Variants in MCM6 observed in about 807,000 individuals in gnomAD.
MCM6 encodes DNA replication licensing factor MCM6.
A neutral mutation model predicts 94.3 loss-of-function variants in MCM6; 46 were observed. That is an observed-to-expected ratio of 0.49 (90% confidence interval 0.39 to 0.62). The LOEUF (loss-of-function observed/expected upper bound fraction) is 0.62, where lower values mean the gene tolerates loss of function less well. Ranked by LOEUF, MCM6 falls within the 20% of genes least tolerant of loss-of-function variation. The probability of loss-of-function intolerance (pLI) is 0.00; values close to 1 mark genes in which losing one functional copy is unlikely to be tolerated. For missense variants in MCM6, 865 were observed against 1,017.9 expected, an observed-to-expected ratio of 0.85 and a Z score of 2.04; for synonymous variants, 335 against 351.9, an observed-to-expected ratio of 0.95 and a Z score of 0.54.
rs1679901673 is a variant in MCM6 at position 135,856,903 on chromosome 2, T to A, written c.1471-20A>T. On this transcript the variant is annotated intron_variant, in intron 10 of 16. Coordinates refer to ENST00000264156, the MANE Select transcript of MCM6 (RefSeq NM_005915.6). ...AGTAGCCTGACCACAAAAGAAAGAA[T>A]CTTAACAGATTTAAATAGACATCAG... The A allele has an allele frequency of 6.2e-7, 1 of 1,600,972 alleles. No homozygotes were observed. Among genetic ancestry groups the A allele is most frequent in the Non-Finnish European group, 8.5e-7 (1 of 1,175,016 alleles).
At chr2:135,845,588 G>C (rs1679654454) in intron 15 of MCM6, among the ~76,000 whole-genome samples, 1 of 152,192 alleles carries the variant, frequency 6.6e-6, no homozygotes, top group Non-Finnish European at 1.5e-5. Flanking sequence ...ATTCCAGAAA[G>C]CCAGCACAAG....
chr2:135,865,843 T>C (rs1464703954), intron 6 of MCM6, among the ~76,000 whole-genome samples: 1 of 152,194 alleles, frequency 6.6e-6, no homozygotes, highest in African/African-American at 2.4e-5. Flanking sequence ...AATCCTATCA[T>C]TTCGTGGCAG....
intron 11 of MCM6, 86 bp from the exon 12 acceptor site, chr2:135,853,001 A>G: frequency 1.6e-6 from 2 of 1,233,048 alleles, no homozygotes; most frequent in Non-Finnish European, 2.2e-6. Flanking sequence ...ATTTATCGCC[A>G]AAAACAAGCT....
intron 7 of MCM6, among the ~76,000 whole-genome samples, chr2:135,864,715 C>G (rs1326365358): frequency 2.0e-5 from 3 of 152,050 alleles, no homozygotes; most frequent in African/African-American, 7.2e-5. Flanking sequence ...TAACTGTCAC[C>G]ACTATCCCTT....
At chr2:135,855,668 A>C (rs1013104166) in intron 11 of MCM6, among the ~76,000 whole-genome samples, 5 of 152,210 alleles carry the variant, frequency 3.3e-5, no homozygotes, top group Admixed American at 2.6e-4. Flanking sequence ...TAAAAAATAA[A>C]TAAATAAAAA....
chr2:135,859,710 C>T (rs1266157272), intron 8 of MCM6, among the ~76,000 whole-genome samples: 1 of 152,158 alleles, frequency 6.6e-6, no homozygotes, highest in East Asian at 1.9e-4. Context: ...TCAGGCGATT[C>T]TCGTGCCTCA....
chr2:135,851,123 T>C (rs869172289), intron 13 of MCM6, among the ~76,000 whole-genome samples: 1 of 152,152 alleles, frequency 6.6e-6, no homozygotes, highest in East Asian at 1.9e-4. Context: ...TACTAGTACA[T>C]TGTAGGGTCT....
chr2:135,862,268 AAAT>A (rs145519804), intron 8 of MCM6, among the ~76,000 whole-genome samples: 109 of 32,798 alleles, frequency 3.3e-3, no homozygotes, highest in Non-Finnish European at 3.5e-3. Flanking sequence ...ATTTTTATAC[AAAT>A]AATAAAATTT....
At chr2:135,862,383 C>T (rs993586825) in intron 8 of MCM6, among the ~76,000 whole-genome samples, 1 of 150,692 alleles carries the variant, frequency 6.6e-6, no homozygotes, top group African/African-American at 2.4e-5. Context: ...AGATATTATA[C>T]AAAGACTAAA....
At position 135,859,344 on chromosome 2, in the gene MCM6, T is replaced by A; in HGVS notation, c.1319A>T (p.His440Leu). ...AGCTCCAGCCTCAATGACAAACTCA[T>A]GAGATTCTTCATCTCTCACAACAGC... ...TAAVVRDEES[H>L]EFVIEAGALM... Residue 440 changes from histidine to leucine, a missense_variant, in exon 9 of 17, where the codon CAT becomes CTT. Coordinates refer to ENST00000264156, the MANE Select transcript of MCM6 (RefSeq NM_005915.6). 1.2e-6 allele frequency: 2 copies of A among 1,613,106 alleles called. No homozygotes were observed. The highest frequency in any genetic ancestry group is 1.7e-6 in the Non-Finnish European group (2 of 1,179,054).
At chr2:135,870,420 A>G in intron 2 of MCM6, 59 bp from the exon 3 acceptor site, 1 of 1,131,400 alleles carries the variant, frequency 8.8e-7, no homozygotes, top group South Asian at 1.2e-5. Flanking sequence ...CCTTCCCTTT[A>G]CATACCTACC....
chr2:135,848,376 T>C (rs1329831423), intron 13 of MCM6, among the ~76,000 whole-genome samples, 188 bp from the exon 14 acceptor site: 3 of 152,144 alleles, frequency 2.0e-5, no homozygotes, highest in Admixed American at 6.6e-5. Flanking sequence ...AATAGCACTA[T>C]AAATTCACCA....
intron 8 of MCM6, among the ~76,000 whole-genome samples, chr2:135,860,888 AG>A (rs1170815316): frequency 6.6e-6 from 1 of 152,224 alleles, no homozygotes; most frequent in Admixed American, 6.5e-5. Flanking sequence ...AAGGACAATT[AG>A]GCAAGAAAAA....
At chr2:135,864,982 A>C (rs779747993) in intron 7 of MCM6, 31 bp downstream of exon 7, 19 of 1,344,484 alleles carry the variant, frequency 1.4e-5, no homozygotes, top group Non-Finnish European at 1.6e-5. Context: ...TTTGATTTCA[A>C]GTTTATGGTA....
At chr2:135,857,180 A>G (rs1193929482) in intron 10 of MCM6, among the ~76,000 whole-genome samples, 1 of 152,214 alleles carries the variant, frequency 6.6e-6, no homozygotes, top group Non-Finnish European at 1.5e-5. Context: ...AATGTCACTC[A>G]ACAGGAGTCT....
chr2:135,854,927 G>A (rs1048450717), intron 11 of MCM6, among the ~76,000 whole-genome samples: 3 of 152,044 alleles, frequency 2.0e-5, no homozygotes, highest in Non-Finnish European at 2.9e-5. Context: ...GGCTGAGGTC[G>A]GTGGATCAAC....
chr2:135,866,220 C>T lies in MCM6; in HGVS notation c.839G>A (p.Gly280Asp). 6.2e-7 allele frequency: 1 copy of T among 1,614,168 alleles called. No homozygotes were observed. Among genetic ancestry groups the T allele is most frequent in the Non-Finnish European group, 8.5e-7 (1 of 1,179,990 alleles). The change falls in exon 6 of 17, where the codon GGC becomes GAC. Residue 280 changes from glycine (G) to aspartate (D), a missense_variant. Around this residue, in one of 3 missense-constraint regions of MCM6, gnomAD observed 404 missense variants for 451.9 expected, o/e 0.89. Transcript: ENST00000264156. ...ACCAAGGGCCCGGAGTCCTCGAATG[C>T]CTTCTGTCTCATATCCATCAACACC... The part of the protein sequence containing the change: ...VSGVDGYETE[G>D]IRGLRALGVR...
intron 16 of MCM6, among the ~76,000 whole-genome samples, chr2:135,843,750 A>C (rs1325336448): frequency 7.2e-6 from 1 of 139,700 alleles, no homozygotes; most frequent in African/African-American, 2.8e-5. Context: ...AAAAAAAAAC[A>C]AAACCATTCA....
At chr2:135,876,155 C>T in intron 1 of MCM6, 104 bp downstream of exon 1, 3 of 871,152 alleles carry the variant, frequency 3.4e-6, no homozygotes, top group East Asian at 3.3e-5. Context: ...TTCCCGGACG[C>T]GCGACCCCCA....
Sources: allele counts gnomAD v4.1 joint callset (sites outside exome capture counted in the v4.1 genomes callset), GRCh38; gene constraint gnomAD v4.1.1; regional missense constraint gnomAD v4.1.1; transcripts MANE v1.5; gene names NCBI Gene and HGNC (gene_info 2026-07-23, HGNC 2026-07-21).